CTNNA2: variants seen among roughly 807,000 people sequenced by gnomAD.
CTNNA2 encodes the protein catenin alpha-2.
In CTNNA2, 42 loss-of-function variants were observed where a neutral mutation model predicts 101.0. The observed-to-expected ratio is 0.42, with a 90% CI of 0.32 to 0.54. The LOEUF (loss-of-function observed/expected upper bound fraction) is 0.54, where lower values mean the gene tolerates loss of function less well. Among genes scored for constraint, CTNNA2 ranks in the 20% least tolerant of loss-of-function variants. The pLI is 0.14. For missense variants in CTNNA2, 871 were observed against 1,223.1 expected (o/e 0.71, Z 4.29); for synonymous variants, 450 against 456.4 (o/e 0.99, Z 0.18).
intron 7 of CTNNA2, among the ~76,000 whole-genome samples, chr2:80,075,608 AC>A (rs1698648666): frequency 9.2e-6 from 1 of 108,640 alleles, no homozygotes; most frequent in Non-Finnish European, 1.8e-5. Context: ...AAATATTTAT[AC>A]ATGTATAAAT....
At chr2:79,955,015 A>G (rs1689129853) in intron 7 of CTNNA2, among the ~76,000 whole-genome samples, 1 of 152,224 alleles carries the variant, frequency 6.6e-6, no homozygotes, top group South Asian at 2.1e-4. Flanking sequence ...GCTGCCTCAA[A>G]CTTAACATTA....
intron 4 of CTNNA2, among the ~76,000 whole-genome samples, chr2:79,501,472 C>T (rs1671318734): frequency 6.6e-6 from 1 of 152,076 alleles, no homozygotes; most frequent in Admixed American, 6.6e-5. Context: ...TAAGGCAAGG[C>T]TCTGTAAAAT....
chr2:80,212,427 AGGGCTGTT>A (rs200919213), intron 7 of CTNNA2, among the ~76,000 whole-genome samples: 2,250 of 152,266 alleles, frequency 0.015, 51 homozygotes, highest in African/African-American at 0.047. Context: ...TTTAGCATGA[AGGGCTGTT>A]GAATTTTGTC....
intron 2 of CTNNA2, among the ~76,000 whole-genome samples, chr2:79,686,732 A>G (rs966452960): frequency 1.3e-5 from 2 of 152,110 alleles, no homozygotes; most frequent in Non-Finnish European, 1.5e-5. Flanking sequence ...ACAGGAAGAT[A>G]CCCTGTATTA....
chr2:80,046,976 G>A (rs1490687111), intron 7 of CTNNA2, among the ~76,000 whole-genome samples: 1 of 152,100 alleles, frequency 6.6e-6, no homozygotes, highest in Non-Finnish European at 1.5e-5. Context: ...AGGATGTTTA[G>A]CAGCTTCCCT....
chr2:79,196,492 A>G (rs948617619), intron 1 of CTNNA2, among the ~76,000 whole-genome samples: 1 of 152,170 alleles, frequency 6.6e-6, no homozygotes, highest in African/African-American at 2.4e-5. Context: ...CCCTCCTATC[A>G]TGTGAATCAA....
intron 2 of CTNNA2, among the ~76,000 whole-genome samples, chr2:79,239,861 C>A (rs142987603): frequency 6.6e-6 from 1 of 151,272 alleles, no homozygotes; most frequent in Middle Eastern, 3.4e-3. Flanking sequence ...ATGTTTAGGG[C>A]GAAAGAAAGA....
chr2:79,959,932 AATTT>A, intron 7 of CTNNA2, among the ~76,000 whole-genome samples: 1 of 152,158 alleles, frequency 6.6e-6, no homozygotes, highest in Admixed American at 6.5e-5. Context: ...TTTCTCATTT[AATTT>A]AATTTAATGG....
chr2:80,212,229 C>T (rs1163166652), intron 7 of CTNNA2, among the ~76,000 whole-genome samples: 1 of 152,138 alleles, frequency 6.6e-6, no homozygotes, highest in East Asian at 1.9e-4. Context: ...TGCCTGATTG[C>T]CCTGGCCAGA....
chr2:79,673,635 A>G (rs550594900), intron 2 of CTNNA2, among the ~76,000 whole-genome samples: 65 of 152,324 alleles, frequency 4.3e-4, no homozygotes, highest in Non-Finnish European at 8.8e-4. Flanking sequence ...TAAATAAATG[A>G]ATGACCATTT....
rs901468987 is a variant in CTNNA2 at position 79,998,931 on chromosome 2, G to C, written c.1056+89134G>C. ...AAACACTCTCCATGTAAGGAGTCCT[G>C]GTCCACGTCATTTCTGCCTTCTCCA... On this transcript the variant is annotated intron_variant, in intron 7 of 18. Transcript: ENST00000402739. 2.3e-4 allele frequency among the ~76,000 whole-genome samples: 35 copies of C among 152,052 alleles called. 1 individual carries two copies. Among genetic ancestry groups the C allele is most frequent in the Non-Finnish European group, 4.0e-4 (27 of 68,002 alleles).
intron 7 of CTNNA2, among the ~76,000 whole-genome samples, chr2:80,368,570 G>A (rs1196725348): frequency 1.3e-5 from 2 of 151,770 alleles, no homozygotes; most frequent in Non-Finnish European, 2.9e-5. Flanking sequence ...TTAACACAAA[G>A]GCCTGTGAAA....
At chr2:79,587,267 C>T (rs1348091387) in intron 1 of CTNNA2, among the ~76,000 whole-genome samples, 1 of 151,886 alleles carries the variant, frequency 6.6e-6, no homozygotes, top group African/African-American at 2.4e-5. Context: ...AGTGATTGTA[C>T]CATATTTGAA....
chr2:80,305,532 T>C (rs1676851235), intron 7 of CTNNA2, among the ~76,000 whole-genome samples: 1 of 151,758 alleles, frequency 6.6e-6, no homozygotes, highest in South Asian at 2.1e-4. Flanking sequence ...GACGTGATAG[T>C]TTAAGCCATA....
At chr2:79,870,406 A>C (rs1463897190) in intron 5 of CTNNA2, among the ~76,000 whole-genome samples, 2 of 149,182 alleles carry the variant, frequency 1.3e-5, no homozygotes, top group Non-Finnish European at 3.0e-5. Context: ...CATGAACAAA[A>C]TGAGAGGAAA....
At chr2:80,523,289 G>C (rs552980269) in intron 9 of CTNNA2, among the ~76,000 whole-genome samples, 3 of 152,248 alleles carry the variant, frequency 2.0e-5, no homozygotes, top group Admixed American at 6.5e-5. Context: ...TGCAACAAAG[G>C]CTGAGTAAAT....
intron 4 of CTNNA2, among the ~76,000 whole-genome samples, chr2:79,394,066 C>A (rs191094403): frequency 1.3e-5 from 2 of 151,956 alleles, no homozygotes; most frequent in Non-Finnish European, 2.9e-5. Context: ...TCATGATTAA[C>A]GTGGGGGATG....
intron 18 of CTNNA2, among the ~76,000 whole-genome samples, chr2:80,635,004 G>A (rs551908571): frequency 2.0e-5 from 3 of 152,184 alleles, no homozygotes; most frequent in East Asian, 1.9e-4. Context: ...AAAGGCTTAC[G>A]GATGCTTAGA....
intron 9 of CTNNA2, among the ~76,000 whole-genome samples, chr2:80,442,229 A>T (rs1459889054): frequency 4.6e-5 from 7 of 152,168 alleles, no homozygotes; most frequent in African/African-American, 1.7e-4. Context: ...CAGTATGGTG[A>T]TGTGGTCAGT....
Sources: gnomAD v4.1 joint callset for allele counts (sites outside exome capture counted in the v4.1 genomes callset) on GRCh38, gnomAD v4.1.1 for gene constraint, MANE v1.5 for transcripts, NCBI Gene and HGNC (gene_info 2026-07-23, HGNC 2026-07-21) for gene names.